Variants in TAFA1 observed in about 807,000 individuals in gnomAD.
TAFA1 encodes TAFA chemokine like family member 1, also known as chemokine-like protein TAFA-1.
A neutral mutation model predicts 18.5 loss-of-function variants in TAFA1; 4 were observed. The ratio of observed to expected loss-of-function variants is 0.22; its 90% CI spans 0.11 to 0.49. The LOEUF is 0.49. Ranked by LOEUF, TAFA1 falls within the 20% of genes least tolerant of loss-of-function variation. The pLI, the probability that TAFA1 is intolerant of heterozygous loss-of-function variation, is 0.98. For synonymous variants in TAFA1, 56 were observed against 55.2 expected (o/e 1.01, Z -0.06); for missense variants, 147 against 169.0 (o/e 0.87, Z 0.72).
intron 2 of TAFA1, among the ~76,000 whole-genome samples, chr3:68,271,133 C>CCCCTG (rs2067658569): frequency 1.3e-5 from 2 of 152,200 alleles, no homozygotes; most frequent in Admixed American, 1.3e-4. Context: ...CCCACCCTGC[C>CCCCTG]CCTTCCCCCT....
chr3:68,203,780 G>A (rs757004018), intron 2 of TAFA1, among the ~76,000 whole-genome samples: 2 of 151,634 alleles, frequency 1.3e-5, no homozygotes, highest in Non-Finnish European at 2.9e-5. Context: ...TAGGCTCTAG[G>A]TAATGAGTTT....
At chr3:68,471,772 T>C (rs1299584789) in intron 3 of TAFA1, among the ~76,000 whole-genome samples, 1 of 152,124 alleles carries the variant, frequency 6.6e-6, no homozygotes, top group Non-Finnish European at 1.5e-5. Flanking sequence ...CAAGGAACAA[T>C]ACTTTGCATC....
intron 2 of TAFA1, among the ~76,000 whole-genome samples, chr3:68,307,011 C>A (rs2068434860): frequency 6.6e-6 from 1 of 152,138 alleles, no homozygotes; most frequent in Non-Finnish European, 1.5e-5. Flanking sequence ...ATATCAGATC[C>A]ACCATATGAC....
intron 2 of TAFA1, among the ~76,000 whole-genome samples, chr3:68,016,843 A>G (rs1309827660): frequency 6.6e-6 from 1 of 152,198 alleles, no homozygotes. Flanking sequence ...TTCATAGGGC[A>G]TCATTTTATA....
intron 3 of TAFA1, among the ~76,000 whole-genome samples, chr3:68,491,021 T>C (rs1483393417): frequency 6.6e-6 from 1 of 151,932 alleles, no homozygotes; most frequent in Non-Finnish European, 1.5e-5. Flanking sequence ...GTACTTTTTA[T>C]AGAGATGGGA....
At chr3:68,309,599 G>A (rs1193539719) in intron 2 of TAFA1, among the ~76,000 whole-genome samples, 3 of 152,158 alleles carry the variant, frequency 2.0e-5, no homozygotes. Context: ...TTTCTATTTG[G>A]ATGTTGGAAA....
intron 2 of TAFA1, among the ~76,000 whole-genome samples, chr3:68,023,966 C>T (rs536766959): frequency 6.6e-6 from 1 of 152,294 alleles, no homozygotes; most frequent in East Asian, 1.9e-4. Flanking sequence ...TCTCCACCTT[C>T]TCATTTGTGA....
At position 68,033,860 on chromosome 3, in the gene TAFA1, T is replaced by C. The variant is rs557592158; in HGVS notation, c.118+27116T>C. On this transcript the variant is annotated intron_variant, in intron 2 of 4. Coordinates refer to ENST00000478136, the MANE Select transcript of TAFA1 (RefSeq NM_213609.4). ...CAAACATGATGAACAAATAGACACATCATTTGATATCCCATATCACCTTTC... is the reference window on the plus strand; with the variant it reads ...CAAACATGATGAACAAATAGACACACCATTTGATATCCCATATCACCTTTC... Among the ~76,000 whole-genome samples the C allele has an allele frequency of 1.8e-4, 28 of 152,302 alleles. No individual in the cohort carries two copies. In the South Asian group the frequency reaches 5.6e-3, roughly 30 times the overall value.
At chr3:68,508,792 G>C (rs935107592) in intron 3 of TAFA1, among the ~76,000 whole-genome samples, 5 of 152,096 alleles carry the variant, frequency 3.3e-5, no homozygotes, top group Admixed American at 6.6e-5. Flanking sequence ...GGAAGAAGTA[G>C]AGGCAAGTAA....
At chr3:68,394,990 C>T (rs1225744342) in intron 2 of TAFA1, among the ~76,000 whole-genome samples, 1 of 152,204 alleles carries the variant, frequency 6.6e-6, no homozygotes, top group East Asian at 1.9e-4. Context: ...TCAGAAGAAA[C>T]TATCATCTGA....
intron 2 of TAFA1, among the ~76,000 whole-genome samples, chr3:68,135,874 G>A (rs911654732): frequency 6.6e-6 from 1 of 152,104 alleles, no homozygotes; most frequent in African/African-American, 2.4e-5. Context: ...TTTGGGGGGA[G>A]GTGAATCTTA....
intron 2 of TAFA1, chr3:68,145,422 C>T (rs867849873): frequency 5.9e-6 from 5 of 848,576 alleles, no homozygotes; most frequent in Admixed American, 5.1e-5. Flanking sequence ...GTTGGACTTC[C>T]TATAGAAGAG....
intron 2 of TAFA1, among the ~76,000 whole-genome samples, chr3:68,410,693 A>G (rs1232718248): frequency 1.6e-5 from 1 of 62,724 alleles, no homozygotes; most frequent in Admixed American, 2.3e-4. Flanking sequence ...AAAAGAGACC[A>G]TTTTCCATAA....
chr3:68,071,915 T>C (rs1448424002), intron 2 of TAFA1, among the ~76,000 whole-genome samples: 5 of 152,020 alleles, frequency 3.3e-5, no homozygotes, highest in Admixed American at 3.3e-4. Context: ...TCCGCCCCCA[T>C]GTCCCAAACA....
intron 2 of TAFA1, among the ~76,000 whole-genome samples, chr3:68,393,344 T>A (rs2070302523): frequency 6.7e-6 from 1 of 149,774 alleles, no homozygotes; most frequent in African/African-American, 2.5e-5. Context: ...TAGCAAGTTC[T>A]CAAATAAAGG....
At chr3:68,466,744 C>T (rs915896215) in intron 3 of TAFA1, among the ~76,000 whole-genome samples, 1 of 152,160 alleles carries the variant, frequency 6.6e-6, no homozygotes, top group African/African-American at 2.4e-5. Flanking sequence ...GGCAGTCATA[C>T]TAAGATCATG....
At chr3:68,297,394 G>T (rs1344066852) in intron 2 of TAFA1, among the ~76,000 whole-genome samples, 1 of 152,104 alleles carries the variant, frequency 6.6e-6, no homozygotes, top group Admixed American at 6.5e-5. Context: ...TCAATTCTGG[G>T]TCTTCACCCT....
At chr3:68,372,879 G>A (rs2069738659) in intron 2 of TAFA1, among the ~76,000 whole-genome samples, 1 of 152,208 alleles carries the variant, frequency 6.6e-6, no homozygotes, top group African/African-American at 2.4e-5. Context: ...CATACAGGTT[G>A]TGGAAGCATG....
chr3:68,181,129 A>G (rs1304286358), intron 2 of TAFA1, among the ~76,000 whole-genome samples: 2 of 152,160 alleles, frequency 1.3e-5, no homozygotes, highest in African/African-American at 4.8e-5. Context: ...CACATGAGTG[A>G]GTAGATCCTT....
Sources: allele counts gnomAD v4.1 joint callset (sites outside exome capture counted in the v4.1 genomes callset), GRCh38; gene constraint gnomAD v4.1.1; transcripts MANE v1.5; gene names NCBI Gene and HGNC (gene_info 2026-07-23, HGNC 2026-07-21).